FAAH2: variants seen among roughly 807,000 people sequenced by gnomAD.
FAAH2 encodes fatty acid amide hydrolase 2.
A neutral mutation model predicts 36.9 loss-of-function variants in FAAH2; 60 were observed. That is an observed-to-expected ratio of 1.63 (90% CI 1.32 to 2.02). The LOEUF (loss-of-function observed/expected upper bound fraction) is 2.02. Ranked by LOEUF, FAAH2 falls within the 30% of genes most tolerant of loss-of-function variation. The pLI is 0.00. For synonymous variants in FAAH2, 214 were observed against 143.8 expected (o/e 1.49, Z -3.49); for missense variants, 689 against 397.5 (o/e 1.73, Z -6.23).
the FAAH2 span, among the ~76,000 whole-genome samples, chrX:57,172,469 G>A: frequency 9.0e-6 from 1 of 110,828 alleles, no homozygotes; most frequent in Non-Finnish European, 1.9e-5. Flanking sequence ...GCCCCAGTGG[G>A]CGTGTGCTAT....
intron 5 of FAAH2, 100 bp from the exon 6 acceptor site, chrX:57,378,551 G>C (rs896804861): frequency 9.4e-7 from 1 of 1,061,648 alleles, no homozygotes; most frequent in African/African-American, 1.9e-5. Context: ...TTTTAACCAG[G>C]AGAAAAAGTA....
At chrX:57,376,951 G>A (rs1297496426) in intron 5 of FAAH2, among the ~76,000 whole-genome samples, 4 of 111,982 alleles carry the variant, frequency 3.6e-5, no homozygotes, top group Middle Eastern at 4.6e-3. Context: ...CTGCATAAAT[G>A]TCTTCTTTTG....
the FAAH2 span, among the ~76,000 whole-genome samples, chrX:57,277,776 A>G: frequency 8.9e-6 from 1 of 112,008 alleles, no homozygotes; most frequent in African/African-American, 3.2e-5. Context: ...CTATACACCA[A>G]GAACAGACAA....
At chrX:57,153,393 A>C in the FAAH2 span, among the ~76,000 whole-genome samples, 1 of 111,919 alleles carries the variant, frequency 8.9e-6, no homozygotes, top group Non-Finnish European at 1.9e-5. Flanking sequence ...GTGAGATACT[A>C]TTCCATTCAT....
chrX:57,424,414 A>C (rs1340870301), intron 7 of FAAH2, among the ~76,000 whole-genome samples: 1 of 111,810 alleles, frequency 8.9e-6, no homozygotes, highest in Admixed American at 9.4e-5. Flanking sequence ...TGTAAGCAAC[A>C]CCTACAGCCC....
At chrX:57,453,748 C>T (rs2147195539) in intron 10 of FAAH2, among the ~76,000 whole-genome samples, 1 of 112,095 alleles carries the variant, frequency 8.9e-6, no homozygotes, top group South Asian at 3.8e-4. Flanking sequence ...AGCACCTAGA[C>T]AGGGGATTAA....
chrX:57,419,437 G>T (rs778292264), intron 7 of FAAH2, among the ~76,000 whole-genome samples: 1 of 112,016 alleles, frequency 8.9e-6, no homozygotes, highest in Non-Finnish European at 1.9e-5. Flanking sequence ...ATATCTCATT[G>T]TGGTTTTGAT....
chrX:57,371,865 G>A (rs2054560428), intron 5 of FAAH2, among the ~76,000 whole-genome samples: 1 of 111,346 alleles, frequency 9.0e-6, no homozygotes, highest in Non-Finnish European at 1.9e-5. Context: ...TTTACCCAAT[G>A]TTTAATTTAC....
chrX:57,394,988 A>G (rs2055258874), intron 7 of FAAH2: 3 of 569,719 alleles, frequency 5.3e-6, no homozygotes, highest in South Asian at 4.5e-5. Context: ...ACAAGGAATG[A>G]AACAGTCATT....
the FAAH2 span, among the ~76,000 whole-genome samples, chrX:57,278,980 A>G: frequency 8.9e-6 from 1 of 112,182 alleles, no homozygotes; most frequent in African/African-American, 3.2e-5. Flanking sequence ...ATGTGGAAAA[A>G]TAGGAATGCT....
At chrX:57,458,829 G>A (rs1271178229) in intron 10 of FAAH2, among the ~76,000 whole-genome samples, 1 of 112,405 alleles carries the variant, frequency 8.9e-6, no homozygotes, top group African/African-American at 3.2e-5. Context: ...CCAAAGAACA[G>A]GAGATTCCCT....
intron 8 of FAAH2, among the ~76,000 whole-genome samples, chrX:57,436,821 A>T (rs1239059827): frequency 9.0e-6 from 1 of 111,137 alleles, no homozygotes; most frequent in South Asian, 3.7e-4. Flanking sequence ...AAGAATAAAC[A>T]GTTCTTTTGA....
intron 2 of FAAH2, among the ~76,000 whole-genome samples, chrX:57,308,504 T>G (rs1023083255): frequency 1.8e-5 from 2 of 111,712 alleles, no homozygotes; most frequent in East Asian, 2.8e-4. Context: ...GTTTAATTGT[T>G]GAAGTTCCTT....
intron 5 of FAAH2, among the ~76,000 whole-genome samples, chrX:57,377,759 A>G (rs1180473277): frequency 1.8e-5 from 2 of 112,290 alleles, no homozygotes; most frequent in African/African-American, 6.5e-5. Context: ...TACAGTATTG[A>G]TTCTTGCTAT....
the FAAH2 span, among the ~76,000 whole-genome samples, chrX:57,238,331 A>T: frequency 3.6e-5 from 4 of 112,026 alleles, no homozygotes; most frequent in Non-Finnish European, 7.5e-5. Context: ...AAAGAATGAG[A>T]TCATGTCCTT....
At chrX:57,299,584 T>C (rs145420436) in intron 2 of FAAH2, among the ~76,000 whole-genome samples, 1,641 of 111,905 alleles carry the variant, frequency 0.015, 40 homozygotes, top group African/African-American at 0.051. Flanking sequence ...CTATTCAACA[T>C]AGTGTTGGAA....
At chrX:57,354,652 C>T (rs2054116374) in intron 5 of FAAH2, among the ~76,000 whole-genome samples, 1 of 110,240 alleles carries the variant, frequency 9.1e-6, no homozygotes, top group Non-Finnish European at 1.9e-5. Context: ...TCTAAGTAAA[C>T]CTTTGTTAAG....
Position 57,362,312 on chromosome X carries a change from C to G in FAAH2, c.743-16339C>G, listed in dbSNP as rs188153519. Among the ~76,000 whole-genome samples the G allele has an allele frequency of 2.4e-3, 269 of 110,258 alleles. 3 individuals carry two copies. Among genetic ancestry groups the G allele is most frequent in the Non-Finnish European group, 4.0e-4 (21 of 52,723 alleles). ...GTGGGAGTTGAGCAATGAGAACACA[C>G]GGACACAGGGAGAGGAACATCACAC... On this transcript the variant is annotated intron_variant, in intron 5 of 10. Coordinates refer to ENST00000374900, the MANE Select transcript of FAAH2 (RefSeq NM_174912.4).
chrX:57,422,935 G>A (rs928732390), intron 7 of FAAH2, among the ~76,000 whole-genome samples: 1 of 112,491 alleles, frequency 8.9e-6, no homozygotes, highest in East Asian at 2.8e-4. Flanking sequence ...GCCAGCAGCA[G>A]CCCATGCTAT....
Sources: gnomAD v4.1 joint callset for allele counts (sites outside exome capture counted in the v4.1 genomes callset) on GRCh38, gnomAD v4.1.1 for gene constraint, MANE v1.5 for transcripts, NCBI Gene and HGNC (gene_info 2026-07-23, HGNC 2026-07-21) for gene names.